Variants in AGAP1 observed in about 807,000 individuals in gnomAD.
AGAP1 encodes arf-GAP with GTPase, ANK repeat and PH domain-containing protein 1.
In AGAP1, 29 loss-of-function variants were observed where a neutral mutation model predicts 105.3. That is an observed-to-expected ratio of 0.28 (90% CI 0.21 to 0.38). The LOEUF is 0.38. Among genes scored for constraint, AGAP1 ranks in the 10% least tolerant of loss-of-function variants. The probability of loss-of-function intolerance (pLI) is 1.00; values close to 1 mark genes in which losing one functional copy is unlikely to be tolerated. For missense variants in AGAP1, 998 were observed against 1,165.1 expected (o/e 0.86, Z 2.09); for synonymous variants, 509 against 485.9 (o/e 1.05, Z -0.63).
chr2:235,892,261 T>A (rs1172501632), intron 10 of AGAP1, among the ~76,000 whole-genome samples: 1 of 152,224 alleles, frequency 6.6e-6, no homozygotes. Context: ...GGAATTTTCC[T>A]TCTTAAATTT....
rs114028658 is a variant in AGAP1, at chr2:235,885,815, C to T, written c.1155+2366C>T. Among the ~76,000 whole-genome samples the T allele has an allele frequency of 2.1e-3, 325 of 152,258 alleles. 1 individual carries two copies. The highest frequency in any genetic ancestry group is 7.0e-3 in the African/African-American group (289 of 41,532). ...GTTGTTACTGAAAGCACCTCCCATGCGTTACTATTCAGTGGGATTCGAGAT... is the reference window on the plus strand; with the variant it reads ...GTTGTTACTGAAAGCACCTCCCATGTGTTACTATTCAGTGGGATTCGAGAT... On this transcript the variant is annotated intron_variant, in intron 10 of 17. Coordinates refer to ENST00000304032, the MANE Select transcript of AGAP1 (RefSeq NM_001037131.3).
At chr2:235,902,720 G>A (rs1384517202) in intron 10 of AGAP1, among the ~76,000 whole-genome samples, 1 of 152,104 alleles carries the variant, frequency 6.6e-6, no homozygotes, top group Non-Finnish European at 1.5e-5. Flanking sequence ...CACCAAAAAA[G>A]TGGCTGGTTC....
chr2:235,838,746 T>C (rs560216070), intron 9 of AGAP1, among the ~76,000 whole-genome samples: 1 of 152,380 alleles, frequency 6.6e-6, no homozygotes, highest in East Asian at 1.9e-4. Flanking sequence ...GATCATTTGC[T>C]TCGCTTTCCA....
At chr2:235,755,908 G>T (rs1953886998) in intron 6 of AGAP1, among the ~76,000 whole-genome samples, 1 of 152,158 alleles carries the variant, frequency 6.6e-6, no homozygotes, top group East Asian at 1.9e-4. Context: ...GGATTTTTCA[G>T]CCTACATGCT....
At chr2:236,103,490 CTTTCTTTTTTCT>C (rs1213835967) in intron 16 of AGAP1, among the ~76,000 whole-genome samples, 2 of 151,612 alleles carry the variant, frequency 1.3e-5, no homozygotes, top group Admixed American at 1.3e-4. Flanking sequence ...GTTTGTTTGT[CTTTCTTTTTTCT>C]TTTCTTTTCT....
chr2:235,650,294 G>A (rs1473114935), intron 1 of AGAP1, among the ~76,000 whole-genome samples: 1 of 152,164 alleles, frequency 6.6e-6, no homozygotes, highest in African/African-American at 2.4e-5. Flanking sequence ...CTCGGGAGGT[G>A]GAGGTTGCAA....
rs1468127173 is a variant in AGAP1, at chr2:235,867,254, T to G, written c.1051-16091T>G. ...TATAAAAGGCTGGAGAGGAGGTATGTTAGGCTTCATGGGTCGTGTGGTTTC... is the reference window on the plus strand; with the variant it reads ...TATAAAAGGCTGGAGAGGAGGTATGGTAGGCTTCATGGGTCGTGTGGTTTC... On this transcript the variant is annotated intron_variant, in intron 9 of 17. Transcript: ENST00000304032. The surrounding 1 kb of genome is among the most constrained non-coding windows in gnomAD (Gnocchi z 5.4). 5.3e-5 allele frequency among the ~76,000 whole-genome samples: 8 copies of G among 152,218 alleles called. No individual in the cohort carries two copies. Among genetic ancestry groups the G allele is most frequent in the Non-Finnish European group, 1.2e-4 (8 of 68,038 alleles).
In AGAP1 at chr2:235,867,630, G is replaced by C. The variant is rs2049242613; in HGVS notation, c.1051-15715G>C. On this transcript the variant is annotated intron_variant, in intron 9 of 17. Transcript: ENST00000304032. This position sits in a 1 kb window ranked among gnomAD's most constrained non-coding sequence, Gnocchi z 5.4. ...GCACACAGGGCCATGGATTTTCACT[G>C]TCTTGGGTCCAGGCCTATTTCTAGC... 6.6e-6 allele frequency among the ~76,000 whole-genome samples: 1 copy of C among 151,598 alleles called. No homozygotes were observed. The highest frequency in any genetic ancestry group is 1.5e-5 in the Non-Finnish European group (1 of 67,956).
chr2:235,914,650 C>T (rs777254787), intron 11 of AGAP1, among the ~76,000 whole-genome samples: 12 of 152,222 alleles, frequency 7.9e-5, no homozygotes, highest in Admixed American at 4.6e-4. Flanking sequence ...GAAACACGCA[C>T]TGTCAGAGCA....
chr2:236,079,751 G>A (rs1458871225), intron 16 of AGAP1, among the ~76,000 whole-genome samples: 1 of 152,074 alleles, frequency 6.6e-6, no homozygotes, highest in African/African-American at 2.4e-5. Flanking sequence ...GAAGGGGGTG[G>A]TACAGACGGA....
At position 235,844,942 on chromosome 2, in the gene AGAP1, A is replaced by G. The variant is rs569355158; in HGVS notation, c.1050+37611A>G. On this transcript the variant is annotated intron_variant, in intron 9 of 17. Transcript: ENST00000304032. ...CCATCACACTGGGTAATGATAATTTATTACCTTTGCCGCCTCCCCCACTAG... is the reference window on the plus strand; with the variant it reads ...CCATCACACTGGGTAATGATAATTTGTTACCTTTGCCGCCTCCCCCACTAG... Among the ~76,000 whole-genome samples the G allele has an allele frequency of 2.0e-5, 3 of 152,182 alleles. No individual in the cohort carries two copies. In the East Asian group the frequency reaches 5.8e-4, roughly 29 times the overall value.
In AGAP1 at chr2:236,009,315, G is replaced by GGGATACCGGGA. The variant is rs1434734034; in HGVS notation, c.1646-27244_1646-27234dup. 2.0e-5 allele frequency among the ~76,000 whole-genome samples: 3 copies of GGGATACCGGGA among 152,108 alleles called. No individual in the cohort carries two copies. Among genetic ancestry groups the GGGATACCGGGA allele is most frequent in the Admixed American group, 1.3e-4 (2 of 15,258 alleles). On this transcript the variant is annotated intron_variant, in intron 13 of 17. Coordinates refer to ENST00000304032, the MANE Select transcript of AGAP1 (RefSeq NM_001037131.3). The surrounding 1 kb of genome is among the most constrained non-coding windows in gnomAD (Gnocchi z 4.2). Reference sequence around the variant, plus strand: ...GAAATCGCCACGGACAAAAGATCACGGGATACCGGGAGCACTAAACTGGAA... The same window carrying GGGATACCGGGA: ...GAAATCGCCACGGACAAAAGATCACGGGATACCGGGAGGATACCGGGAGCACTAAACTGGAA...
rs984165858 is a variant in AGAP1 at position 236,131,523 on chromosome 2, C to T, written c.*7401C>T. 2 of 152,052 alleles carry T rather than the reference C, an allele frequency of 1.3e-5. No homozygotes were observed. Among genetic ancestry groups the T allele is most frequent in the African/African-American group, 4.8e-5 (2 of 41,402 alleles). 9.4% of individuals were successfully genotyped at this position (152,052 alleles called of 1,614,324 possible). A position where few individuals can be genotyped will look rare whatever the true frequency, so the allele number is the denominator to read the frequency against. ...GGATGTTTTCTATTACCTCATTCAG[C>T]AACTTTATGTTTCACAATGACTCAA... On this transcript the variant is annotated 3_prime_UTR_variant, in exon 18 of 18. Coordinates refer to ENST00000304032, the MANE Select transcript of AGAP1 (RefSeq NM_001037131.3). The surrounding 1 kb of genome is among the most constrained non-coding windows in gnomAD (Gnocchi z 5.9).
At chr2:235,794,062 CCT>C (rs1211454185) in intron 6 of AGAP1, among the ~76,000 whole-genome samples, 3 of 152,110 alleles carry the variant, frequency 2.0e-5, no homozygotes, top group Non-Finnish European at 4.4e-5. Flanking sequence ...CCCAGAAACC[CCT>C]GTGTCCTGTC....
chr2:235,779,957 G>T (rs1004517882), intron 6 of AGAP1, among the ~76,000 whole-genome samples: 4 of 152,116 alleles, frequency 2.6e-5, no homozygotes, highest in Non-Finnish European at 4.4e-5. Flanking sequence ...AACAGCAAAT[G>T]GCATAAATAG....
chr2:236,001,095 T>C lies in AGAP1; in HGVS notation c.1645+32472T>C, dbSNP rs986338807. Among the ~76,000 whole-genome samples, 8 of 152,088 alleles carry C rather than the reference T, an allele frequency of 5.3e-5. No homozygotes were observed. The highest frequency in any genetic ancestry group is 7.4e-5 in the Non-Finnish European group (5 of 68,020). On this transcript the variant is annotated intron_variant, in intron 13 of 17. Coordinates refer to ENST00000304032, the MANE Select transcript of AGAP1 (RefSeq NM_001037131.3). This position sits in a 1 kb window ranked among gnomAD's most constrained non-coding sequence, Gnocchi z 4.7. ...ATTAGCTATACAGGAGGGGAGGGGA[T>C]GGACCCTCAGAGGCGAGACGGACGT...
Position 235,904,434 on chromosome 2 carries a change from G to A in AGAP1, c.1156-4304G>A, listed in dbSNP as rs1375678131. ...TACTTTTTCAAGCTGTTGAGGGGCA[G>A]GAGATGGCACCTCTGGGGGGCCTGG... is the stretch of plus-strand genomic sequence containing the variant. On this transcript the variant is annotated intron_variant, in intron 10 of 17. Transcript: ENST00000304032. This position sits in a 1 kb window ranked among gnomAD's most constrained non-coding sequence, Gnocchi z 4.2. Among the ~76,000 whole-genome samples, 1 of 152,174 alleles carries A rather than the reference G, an allele frequency of 6.6e-6. No homozygotes were observed. Among genetic ancestry groups the A allele is most frequent in the East Asian group, 1.9e-4 (1 of 5,178 alleles).
chr2:235,498,719 G>C (rs1363232984), intron 1 of AGAP1, among the ~76,000 whole-genome samples: 2 of 152,202 alleles, frequency 1.3e-5, no homozygotes, highest in Non-Finnish European at 2.9e-5. Context: ...CAGCCAGGCG[G>C]CCCGATTCCC....
chr2:235,797,368 C>T (rs902757234), intron 6 of AGAP1, among the ~76,000 whole-genome samples: 1 of 152,048 alleles, frequency 6.6e-6, no homozygotes, highest in Non-Finnish European at 1.5e-5. Flanking sequence ...CTCCTGTTCC[C>T]AGTGTCGCCT....
Sources: gnomAD v4.1 joint callset for allele counts (sites outside exome capture counted in the v4.1 genomes callset) on GRCh38, gnomAD v4.1.1 for gene constraint, Gnocchi (gnomAD v3.1) non-coding constraint, MANE v1.5 for transcripts, NCBI Gene and HGNC (gene_info 2026-07-23, HGNC 2026-07-21) for gene names.